The following CDH18 variants were observed in gnomAD, a reference collection of about 807,000 sequenced individuals.
The protein encoded by CDH18 is cadherin-18.
CDH18 carries 31 observed loss-of-function variants against 67.9 expected under a neutral mutation model. The observed-to-expected ratio is 0.46, with a 90% confidence interval of 0.34 to 0.62. The LOEUF is 0.62. Ranked by LOEUF, CDH18 falls within the 20% of genes least tolerant of loss-of-function variation. The pLI, the probability that CDH18 is intolerant of heterozygous loss-of-function variation, is 0.01. For synonymous variants in CDH18, 362 were observed against 347.2 expected (o/e 1.04, Z -0.48); for missense variants, 890 against 975.5 (o/e 0.91, Z 1.17).
intron 2 of CDH18, among the ~76,000 whole-genome samples, chr5:20,232,501 A>G (rs1033215258): frequency 3.3e-5 from 5 of 152,094 alleles, no homozygotes; most frequent in Non-Finnish European, 5.9e-5. Context: ...TGTGGACACA[A>G]ATTTTTGAAG....
intron 1 of CDH18, among the ~76,000 whole-genome samples, chr5:20,492,115 G>T (rs1161867500): frequency 6.6e-6 from 1 of 151,924 alleles, no homozygotes; most frequent in Admixed American, 6.6e-5. Context: ...TACGTATTCT[G>T]AGGGCCATAC....
chr5:19,766,081 G>A (rs1225954617), intron 3 of CDH18, among the ~76,000 whole-genome samples: 1 of 152,068 alleles, frequency 6.6e-6, no homozygotes, highest in East Asian at 1.9e-4. Flanking sequence ...GTTTCACCAT[G>A]TTGGTCAGAC....
intron 3 of CDH18, among the ~76,000 whole-genome samples, chr5:19,758,246 T>A (rs934901913): frequency 6.6e-6 from 1 of 152,210 alleles, no homozygotes; most frequent in Admixed American, 6.5e-5. Flanking sequence ...TGATAGGCAG[T>A]ACAGGTCGCA....
At chr5:20,491,434 A>G (rs1016931953) in intron 1 of CDH18, among the ~76,000 whole-genome samples, 1 of 152,148 alleles carries the variant, frequency 6.6e-6, no homozygotes, top group Non-Finnish European at 1.5e-5. Flanking sequence ...AATAGGATGT[A>G]TTTGCATGGG....
intron 7 of CDH18, among the ~76,000 whole-genome samples, chr5:19,572,377 C>T (rs1741584843): frequency 6.6e-6 from 1 of 152,152 alleles, no homozygotes; most frequent in Non-Finnish European, 1.5e-5. Flanking sequence ...ATTTTCATTT[C>T]TATTTATGCC....
chr5:20,135,312 G>C (rs1009116550), intron 2 of CDH18, among the ~76,000 whole-genome samples: 11 of 152,120 alleles, frequency 7.2e-5, no homozygotes, highest in Non-Finnish European at 1.2e-4. Flanking sequence ...TCCTGGTTTA[G>C]TCTTGGGAGG....
chr5:20,567,740 C>G (rs1758595052), intron 1 of CDH18, among the ~76,000 whole-genome samples: 1 of 152,048 alleles, frequency 6.6e-6, no homozygotes, highest in Non-Finnish European at 1.5e-5. Context: ...AGCCTCAGTC[C>G]CAGTCCAGCA....
At chr5:19,881,364 G>C (rs1787617888) in intron 2 of CDH18, among the ~76,000 whole-genome samples, 1 of 152,026 alleles carries the variant, frequency 6.6e-6, no homozygotes, top group South Asian at 2.1e-4. Context: ...AAATGCAAAT[G>C]GTTCAGCCTA....
At chr5:20,373,968 A>G (rs1743214288) in intron 1 of CDH18, among the ~76,000 whole-genome samples, 1 of 152,202 alleles carries the variant, frequency 6.6e-6, no homozygotes, top group African/African-American at 2.4e-5. Context: ...AATTTGAGAC[A>G]TTTACAAAAT....
chr5:20,377,017 CAA>C (rs34122318), intron 1 of CDH18, among the ~76,000 whole-genome samples: 27,793 of 142,684 alleles, frequency 0.19, 2,833 homozygotes, highest in African/African-American at 0.27. Context: ...GACTCCGTCT[CAA>C]AAAAAAAAAA....
intron 12 of CDH18, among the ~76,000 whole-genome samples, chr5:19,481,044 T>C (rs1004962739): frequency 6.6e-6 from 1 of 152,208 alleles, no homozygotes; most frequent in Non-Finnish European, 1.5e-5. Flanking sequence ...TTTGACTTTG[T>C]TGACAAGATT....
At chr5:19,541,603 G>A (rs546233578) in intron 9 of CDH18, among the ~76,000 whole-genome samples, 1 of 152,282 alleles carries the variant, frequency 6.6e-6, no homozygotes, top group South Asian at 2.1e-4. Context: ...AGAAGGCAAA[G>A]GAAAAGCAAA....
Position 19,941,107 on chromosome 5 carries a change from A to T in CDH18, c.-257+39953T>A, listed in dbSNP as rs371559251. On this transcript the variant is annotated intron_variant, in intron 2 of 12. Coordinates refer to ENST00000382275, the MANE Select transcript of CDH18 (RefSeq NM_004934.5). ...TTGGAGGTAGGACCTCTGGGAGGTG[A>T]TTAGGCATGAGGGTGGAGTCCTCAT... 6.2e-4 allele frequency among the ~76,000 whole-genome samples: 95 copies of T among 152,166 alleles called. No homozygotes were observed. In the South Asian group the frequency reaches 0.017, roughly 27 times the overall value.
At chr5:19,956,279 A>C (rs997868143) in intron 2 of CDH18, among the ~76,000 whole-genome samples, 6 of 152,028 alleles carry the variant, frequency 3.9e-5, no homozygotes, top group Non-Finnish European at 5.9e-5. Flanking sequence ...CTTTCTAAGT[A>C]ATTTCATTTA....
At chr5:19,782,609 T>TAGG (rs1775254858) in intron 3 of CDH18, among the ~76,000 whole-genome samples, 1 of 152,166 alleles carries the variant, frequency 6.6e-6, no homozygotes, top group Non-Finnish European at 1.5e-5. Context: ...CGATGGTGAT[T>TAGG]AGGAGCCTAA....
At chr5:20,367,865 T>C (rs940328076) in intron 1 of CDH18, among the ~76,000 whole-genome samples, 8 of 152,160 alleles carry the variant, frequency 5.3e-5, no homozygotes, top group African/African-American at 1.9e-4. Flanking sequence ...AAGACAAGAG[T>C]ATCCATTTCC....
intron 1 of CDH18, among the ~76,000 whole-genome samples, chr5:20,402,777 A>G (rs1745879938): frequency 6.6e-6 from 1 of 152,048 alleles, no homozygotes; most frequent in Admixed American, 6.6e-5. Flanking sequence ...GTGGCTGTGC[A>G]GTTTCTTAAA....
At chr5:19,744,579 CTG>C (rs1453473472) in intron 4 of CDH18, among the ~76,000 whole-genome samples, 2 of 151,834 alleles carry the variant, frequency 1.3e-5, no homozygotes, top group Admixed American at 6.6e-5. Context: ...TTTTTCCTCT[CTG>C]TTATTTTCCT....
intron 2 of CDH18, among the ~76,000 whole-genome samples, chr5:20,207,515 T>A (rs1739996456): frequency 2.0e-5 from 3 of 152,032 alleles, no homozygotes; most frequent in African/African-American, 7.2e-5. Flanking sequence ...AAGCTCACAA[T>A]CATGGTGGAA....
Sources: allele counts gnomAD v4.1 joint callset (sites outside exome capture counted in the v4.1 genomes callset), GRCh38; gene constraint gnomAD v4.1.1; transcripts MANE v1.5; gene names NCBI Gene and HGNC (gene_info 2026-07-23, HGNC 2026-07-21).